Variants in GOLPH3L observed in about 807,000 individuals in gnomAD.
GOLPH3L encodes the protein Golgi phosphoprotein 3-like.
GOLPH3L carries 22 observed loss-of-function variants against 30.3 expected under a neutral mutation model. The ratio of observed to expected loss-of-function variants is 0.73; its 90% confidence interval spans 0.52 to 1.04. The LOEUF is 1.04. Among genes scored for constraint, GOLPH3L ranks in the 50% least tolerant of loss-of-function variants. The pLI, the probability that GOLPH3L is intolerant of heterozygous loss-of-function variation, is 0.00. For synonymous variants in GOLPH3L, 120 were observed against 128.2 expected, an observed-to-expected ratio of 0.94 and a Z score of 0.43; for missense variants, 303 against 345.8, an observed-to-expected ratio of 0.88 and a Z score of 0.98.
intron 2 of GOLPH3L, among the ~76,000 whole-genome samples, chr1:150,693,815 G>GTA (rs1316563762): frequency 1.5e-5 from 1 of 64,894 alleles, no homozygotes; most frequent in African/African-American, 8.7e-5. Context: ...GTGTGTGTGT[G>GTA]TGTGTATATA....
At chr1:150,681,693 A>G (rs1197313339) in intron 2 of GOLPH3L, among the ~76,000 whole-genome samples, 2 of 152,206 alleles carry the variant, frequency 1.3e-5, no homozygotes, top group Non-Finnish European at 2.9e-5. Context: ...ATTTATTGGC[A>G]TAAAATATGT....
chr1:150,660,094 GTATTT>G (rs1277849114), intron 4 of GOLPH3L, among the ~76,000 whole-genome samples: 1 of 151,900 alleles, frequency 6.6e-6, no homozygotes, highest in Admixed American at 6.6e-5. Context: ...AATGGGAAAA[GTATTT>G]TATATTTCTC....
intron 2 of GOLPH3L, among the ~76,000 whole-genome samples, chr1:150,693,487 G>C (rs587593650): frequency 2.0e-4 from 30 of 151,798 alleles, no homozygotes; most frequent in African/African-American, 7.3e-4. Flanking sequence ...CGGTGGGCGA[G>C]GGGGGGCGGT....
chr1:150,664,695 A>G (rs587717885), intron 2 of GOLPH3L, among the ~76,000 whole-genome samples: 2 of 152,184 alleles, frequency 1.3e-5, no homozygotes, highest in South Asian at 2.1e-4. Context: ...CTCGTCATCC[A>G]CCAGCCTCAG....
intron 2 of GOLPH3L, among the ~76,000 whole-genome samples, chr1:150,686,204 ATTTG>A (rs1651083225): frequency 6.6e-6 from 1 of 151,492 alleles, no homozygotes; most frequent in Non-Finnish European, 1.5e-5. Flanking sequence ...AAAGTCAGAT[ATTTG>A]TTTTTGTTTT....
At chr1:150,654,030 T>C (rs1650185531) in intron 4 of GOLPH3L, among the ~76,000 whole-genome samples, 1 of 151,850 alleles carries the variant, frequency 6.6e-6, no homozygotes, top group Admixed American at 6.6e-5. Flanking sequence ...TCCAAAGTGC[T>C]GGGATTACAG....
chr1:150,652,398 A>C (rs1650139948), intron 4 of GOLPH3L, among the ~76,000 whole-genome samples: 1 of 149,512 alleles, frequency 6.7e-6, no homozygotes, highest in Non-Finnish European at 1.5e-5. Flanking sequence ...AAAAAAAAAA[A>C]AAAAAAAAAA....
chr1:150,671,710 C>A (rs906767304), intron 2 of GOLPH3L, among the ~76,000 whole-genome samples: 3 of 140,916 alleles, frequency 2.1e-5, no homozygotes, highest in Non-Finnish European at 4.5e-5. Context: ...GAGGCTGAGA[C>A]AAGGAGAATC....
chr1:150,650,417 C>G (rs1176006820), intron 4 of GOLPH3L, among the ~76,000 whole-genome samples: 1 of 152,220 alleles, frequency 6.6e-6, no homozygotes, highest in Non-Finnish European at 1.5e-5. Flanking sequence ...CAATCAACCT[C>G]TAGTGGGAAG....
At chr1:150,694,384 A>G (rs41305070) in intron 2 of GOLPH3L, 51,590 of 320,024 alleles carry the variant, frequency 0.16, 5,029 homozygotes, top group Admixed American at 0.2. Context: ...TAACTTGGGA[A>G]ACTACAAGTA....
At chr1:150,661,181 T>C (rs753323192) in intron 4 of GOLPH3L, among the ~76,000 whole-genome samples, 1 of 152,208 alleles carries the variant, frequency 6.6e-6, no homozygotes, top group Non-Finnish European at 1.5e-5. Context: ...TGAGCTGAGA[T>C]TGCATCACTG....
At position 150,697,072 on chromosome 1, in the gene GOLPH3L, C is replaced by G. The variant is rs924392036; in HGVS notation, c.-93G>C. ...AGAAGGACACCTGTTCTCCCCACCC[C>G]ACCCCCGTCCTAGTAGGTGAAAAAC... On this transcript the variant is annotated 5_prime_UTR_variant, in exon 1 of 5. Transcript: ENST00000271732. 2.0e-5 allele frequency: 3 copies of G among 152,242 alleles called. No individual in the cohort carries two copies. Among genetic ancestry groups the G allele is most frequent in the Non-Finnish European group, 4.4e-5 (3 of 68,148 alleles). The allele number at this position is 152,242 out of a possible 1,614,324, so 9.4% of individuals were successfully genotyped here. A position where few individuals can be genotyped will look rare whatever the true frequency, so the allele number is the denominator to read the frequency against.
intron 2 of GOLPH3L, among the ~76,000 whole-genome samples, chr1:150,667,796 G>A (rs901006618): frequency 5.3e-5 from 8 of 151,788 alleles, no homozygotes; most frequent in African/African-American, 7.3e-5. Context: ...GGGTTTCACC[G>A]TGTTAGCTAG....
chr1:150,662,061 C>G, intron 3 of GOLPH3L, 133 bp from the exon 4 acceptor site: 1 of 610,550 alleles, frequency 1.6e-6, no homozygotes, highest in South Asian at 2.0e-5. Flanking sequence ...TGTCTCTGTC[C>G]TCAAGAAGTT....
chr1:150,661,841 C>T lies in GOLPH3L; in HGVS notation c.403G>A (p.Val135Ile), dbSNP rs776216718. 2 of 1,545,874 alleles carry T rather than the reference C, an allele frequency of 1.3e-6. No individual in the cohort carries two copies. Among genetic ancestry groups the T allele is most frequent in the Non-Finnish European group, 1.8e-6 (2 of 1,117,658 alleles). ...GTGAGTAGCTCTATCCATGTTTGGA[C>T]AGTTTCTGTGGGTTCAGTTGCTTTG... Reference protein sequence around the residue: ...HIKATEPTETVQTWIELLTGE... With the variant: ...HIKATEPTETIQTWIELLTGE... The change falls in exon 4 of 5, where the codon GTC becomes ATC. Residue 135 changes from valine (V) to isoleucine (I), a missense_variant. Coordinates refer to ENST00000271732, the MANE Select transcript of GOLPH3L (RefSeq NM_018178.6).
At position 150,694,697 on chromosome 1, in the gene GOLPH3L, G is replaced by A; in HGVS notation, c.142C>T (p.Leu48Phe). ...CCCAGAAGCAATACTTCTTCCATAA[G>A]AGTAAGGCGGATATCCTTAGAGTCT... ...SGDSKDIRLT[L>F]MEEVLLLGLK... The change falls in exon 2 of 5, where the codon CTT becomes TTT. Residue 48 changes from leucine to phenylalanine, a missense_variant. Transcript: ENST00000271732. 1.9e-6 allele frequency: 3 copies of A among 1,610,570 alleles called. No homozygotes were observed. Among genetic ancestry groups the A allele is most frequent in the Non-Finnish European group, 2.5e-6 (3 of 1,178,108 alleles).
intron 2 of GOLPH3L, 111 bp downstream of exon 2, chr1:150,694,545 A>G (rs1005756058): frequency 1.4e-5 from 9 of 649,866 alleles, no homozygotes; most frequent in Admixed American, 1.3e-4. Flanking sequence ...AGATGGTTAG[A>G]GCACAATTCT....
chr1:150,680,590 T>A (rs2101809719), intron 2 of GOLPH3L, among the ~76,000 whole-genome samples: 1 of 152,274 alleles, frequency 6.6e-6, no homozygotes, highest in Non-Finnish European at 1.5e-5. Context: ...GGTTGCTCAG[T>A]TTGTAAGAGC....
At chr1:150,671,120 T>C (rs765565084) in intron 2 of GOLPH3L, among the ~76,000 whole-genome samples, 1 of 152,024 alleles carries the variant, frequency 6.6e-6, no homozygotes, top group Admixed American at 6.5e-5. Flanking sequence ...CCCGTGCCTG[T>C]AATCCCAGCT....
Sources: gnomAD v4.1 joint callset for allele counts (sites outside exome capture counted in the v4.1 genomes callset) on GRCh38, gnomAD v4.1.1 for gene constraint, MANE v1.5 for transcripts, NCBI Gene and HGNC (gene_info 2026-07-23, HGNC 2026-07-21) for gene names.